The following ZNF462 variants were observed in gnomAD, a reference collection of about 807,000 sequenced individuals.
ZNF462 encodes zinc finger protein 462.
A neutral mutation model predicts 201.9 loss-of-function variants in ZNF462; 10 were observed. The observed-to-expected ratio is 0.05, with a 90% confidence interval of 0.03 to 0.08. The LOEUF is 0.08. Among genes scored for constraint, ZNF462 ranks in the 10% least tolerant of loss-of-function variants. The probability of loss-of-function intolerance (pLI) is 1.00; values close to 1 mark genes in which losing one functional copy is unlikely to be tolerated. For missense variants in ZNF462, 2,523 were observed against 3,168.3 expected (o/e 0.80, Z 4.89); for synonymous variants, 1,227 against 1,193.3 (o/e 1.03, Z -0.58).
chr9:106,897,506 G>T (rs1237645688), intron 1 of ZNF462, among the ~76,000 whole-genome samples: 1 of 151,794 alleles, frequency 6.6e-6, no homozygotes, highest in East Asian at 1.9e-4. Context: ...TAATTCCATG[G>T]AAATAAACTA....
At chr9:106,980,011 C>A (rs1827301917) in intron 9 of ZNF462, among the ~76,000 whole-genome samples, 1 of 152,136 alleles carries the variant, frequency 6.6e-6, no homozygotes, top group South Asian at 2.1e-4. Flanking sequence ...TGATCAGTGT[C>A]ATTTTTCTTG....
chr9:106,986,980 GATA>G, intron 10 of ZNF462, among the ~76,000 whole-genome samples: 1 of 23,960 alleles, frequency 4.2e-5, no homozygotes, highest in Non-Finnish European at 1.0e-4. Flanking sequence ...TTCCATCATA[GATA>G]GATAGATAGA....
chr9:106,991,915 G>A (rs537540200), intron 10 of ZNF462, among the ~76,000 whole-genome samples: 70 of 150,708 alleles, frequency 4.6e-4, no homozygotes, highest in African/African-American at 1.5e-3. Context: ...TTAAATGTGT[G>A]AGCTAAAACT....
At chr9:106,980,676 C>T (rs951436558) in intron 9 of ZNF462, among the ~76,000 whole-genome samples, 8 of 152,156 alleles carry the variant, frequency 5.3e-5, no homozygotes, top group Admixed American at 3.9e-4. Flanking sequence ...GGTTTTATGT[C>T]CTGCTGCAGC....
chr9:107,007,416 T>C (rs1829623458), intron 11 of ZNF462, among the ~76,000 whole-genome samples: 1 of 152,136 alleles, frequency 6.6e-6, no homozygotes, highest in South Asian at 2.1e-4. Context: ...GGTCTCCTCT[T>C]CTCACTGGAA....
intron 9 of ZNF462, among the ~76,000 whole-genome samples, chr9:106,982,831 G>C (rs1465180233): frequency 6.6e-6 from 1 of 151,924 alleles, no homozygotes; most frequent in Non-Finnish European, 1.5e-5. Flanking sequence ...CATTGGGTGG[G>C]GAAAATTCCC....
In ZNF462 at chr9:107,009,719, G is replaced by T; in HGVS notation, c.7313+51G>T. 1 of 1,590,598 alleles carries T rather than the reference G, an allele frequency of 6.3e-7. No homozygotes were observed. Among genetic ancestry groups the T allele is most frequent in the Non-Finnish European group, 8.6e-7 (1 of 1,163,146 alleles). On this transcript the variant is annotated intron_variant, in intron 12 of 12. Coordinates refer to ENST00000277225, the MANE Select transcript of ZNF462 (RefSeq NM_021224.6). The surrounding 1 kb of genome is among the most constrained non-coding windows in gnomAD (Gnocchi z 6.1). Reference sequence around the variant, plus strand: ...CTTTGTCCAAAGCAAGAGGTAGGGAGGGAGGGAGGGGCTCTTGTTTTGGTT... The same window carrying T: ...CTTTGTCCAAAGCAAGAGGTAGGGATGGAGGGAGGGGCTCTTGTTTTGGTT...
In ZNF462 at chr9:106,885,912, C is replaced by CA. The variant is rs57069719; in HGVS notation, c.-31+22558dup. 5.3e-3 allele frequency among the ~76,000 whole-genome samples: 807 copies of CA among 152,190 alleles called. 4 individuals carry two copies. Among genetic ancestry groups the CA allele is most frequent in the African/African-American group, 0.018 (762 of 41,502 alleles). ...CCACTTGGAGAGAAGGGGAGGATGCCAGAGAGAGTCATGTTCTGATAATTA... is the reference window on the plus strand; with the variant it reads ...CCACTTGGAGAGAAGGGGAGGATGCCAAGAGAGAGTCATGTTCTGATAATTA... On this transcript the variant is annotated intron_variant, in intron 1 of 12. Coordinates refer to ENST00000277225, the MANE Select transcript of ZNF462 (RefSeq NM_021224.6). This position sits in a 1 kb window ranked among gnomAD's most constrained non-coding sequence, Gnocchi z 4.1.
intron 1 of ZNF462, among the ~76,000 whole-genome samples, chr9:106,881,909 GTTTTT>G (rs1459062540): frequency 6.6e-6 from 1 of 152,000 alleles, no homozygotes; most frequent in African/African-American, 2.4e-5. Flanking sequence ...TGAAGTTCTG[GTTTTT>G]TGTTTTGACT....
intron 9 of ZNF462, chr9:106,979,488 C>A (rs1827256712): frequency 6.6e-6 from 1 of 151,724 alleles, no homozygotes; most frequent in Non-Finnish European, 1.5e-5. Context: ...CTCTTGGCCT[C>A]CTACTTTTTA....
chr9:106,922,399 T>TA (rs1457737774), intron 1 of ZNF462, among the ~76,000 whole-genome samples: 25 of 152,206 alleles, frequency 1.6e-4, no homozygotes, highest in Admixed American at 1.6e-3. Context: ...ACAAAGTAAA[T>TA]AGCAGAATGA....
intron 7 of ZNF462, among the ~76,000 whole-genome samples, chr9:106,967,388 G>A (rs945047246): frequency 2.6e-5 from 4 of 151,510 alleles, no homozygotes; most frequent in South Asian, 2.1e-4. Flanking sequence ...TTTATTTGTC[G>A]TTTGCCTTTA....
intron 10 of ZNF462, among the ~76,000 whole-genome samples, chr9:107,000,705 G>C (rs1236082842): frequency 6.6e-6 from 1 of 152,122 alleles, no homozygotes; most frequent in Admixed American, 6.5e-5. Context: ...CTGTGAAAAT[G>C]TCATGTACTA....
rs530583938 is a variant in ZNF462, at chr9:106,871,148, G to T, written c.-31+7793G>T. Among the ~76,000 whole-genome samples the T allele has an allele frequency of 7.9e-5, 12 of 152,284 alleles. No homozygotes were observed. The South Asian group carries it at 1.9e-3, about 24-fold the overall frequency. On this transcript the variant is annotated intron_variant, in intron 1 of 12. Transcript: ENST00000277225. ...CTTGAAAGATGTTTGCTGCACAAAGGTTCCAATACTTACCTGCAGATTAAG... is the reference window on the plus strand; with the variant it reads ...CTTGAAAGATGTTTGCTGCACAAAGTTTCCAATACTTACCTGCAGATTAAG...
chr9:106,948,821 T>C (rs1402251523), intron 7 of ZNF462, among the ~76,000 whole-genome samples: 3 of 151,906 alleles, frequency 2.0e-5, no homozygotes, highest in Non-Finnish European at 4.4e-5. Context: ...ATAATAAATA[T>C]TGAGTACTTA....
chr9:106,903,418 T>G (rs1829142290), intron 1 of ZNF462, among the ~76,000 whole-genome samples: 1 of 152,100 alleles, frequency 6.6e-6, no homozygotes, highest in Non-Finnish European at 1.5e-5. Flanking sequence ...TTGGATGAAG[T>G]GTTTTGTATA....
chr9:106,908,910 C>CATATATACATATATATATATAT (rs1458619122), intron 1 of ZNF462, among the ~76,000 whole-genome samples: 1 of 43,978 alleles, frequency 2.3e-5, no homozygotes, highest in African/African-American at 1.1e-4. Context: ...CCCATATATA[C>CATATATACATATATATATATAT]ATATATATAT....
intron 10 of ZNF462, among the ~76,000 whole-genome samples, chr9:106,998,782 T>C (rs189143282): frequency 1.3e-5 from 2 of 152,120 alleles, no homozygotes; most frequent in Admixed American, 1.3e-4. Flanking sequence ...CTAATTTTTG[T>C]ATTTTTAGTA....
chr9:107,003,849 G>A lies in ZNF462; in HGVS notation c.7189+423G>A, dbSNP rs1359547605. On this transcript the variant is annotated intron_variant, in intron 11 of 12. Transcript: ENST00000277225. The surrounding 1 kb of genome is among the most constrained non-coding windows in gnomAD (Gnocchi z 4.4). ...ACACACTGCTGGAACTGTAGGGGAC[G>A]GTGGTGCAAAGAACTTGAGCCCCTA... Among the ~76,000 whole-genome samples the A allele has an allele frequency of 1.3e-5, 2 of 151,988 alleles. No homozygotes were observed. Among genetic ancestry groups the A allele is most frequent in the East Asian group, 1.9e-4 (1 of 5,162 alleles).
Sources: allele counts gnomAD v4.1 joint callset (sites outside exome capture counted in the v4.1 genomes callset), GRCh38; gene constraint gnomAD v4.1.1; non-coding constraint Gnocchi (gnomAD v3.1); transcripts MANE v1.5; gene names NCBI Gene and HGNC (gene_info 2026-07-23, HGNC 2026-07-21).